FBXW10B: variants seen among roughly 807,000 people sequenced by gnomAD.
FBXW10B encodes F-box and WD repeat domain containing protein 10B.
chr17:15,601,732 C>A, the FBXW10B span, among the ~76,000 whole-genome samples: 1 of 152,102 alleles, frequency 6.6e-6, no homozygotes, highest in Non-Finnish European at 1.5e-5. Flanking sequence ...CAATGCAGCC[C>A]AAATAAAAAG....
At chr17:15,608,261 A>T in the FBXW10B span, among the ~76,000 whole-genome samples, 1 of 144,718 alleles carries the variant, frequency 6.9e-6, no homozygotes, top group East Asian at 2.2e-4. Context: ...TCCTGGGTTC[A>T]AGTGATTCTC....
At chr17:15,598,405 G>GTGGA in the FBXW10B span, 14 of 930,662 alleles carry the variant, frequency 1.5e-5, no homozygotes, top group East Asian at 5.6e-5. Flanking sequence ...GGGTGGGTGG[G>GTGGA]TGGATGGATG....
chr17:15,601,815 T>C, the FBXW10B span, among the ~76,000 whole-genome samples: 1 of 151,976 alleles, frequency 6.6e-6, no homozygotes, highest in African/African-American at 2.4e-5. Flanking sequence ...AGCTGTTACA[T>C]AAAAAAGAAA....
chr17:15,599,567 G>A, the FBXW10B span, among the ~76,000 whole-genome samples: 3 of 147,126 alleles, frequency 2.0e-5, no homozygotes, highest in Non-Finnish European at 4.5e-5. Flanking sequence ...AGAATCCATG[G>A]CACTGATTCC....
chr17:15,571,947 T>C, the FBXW10B span: 1 of 124,978 alleles, frequency 8.0e-6, no homozygotes, highest in Admixed American at 9.3e-5. Context: ...GTAAGATCAG[T>C]GGTTACTGGG....
At chr17:15,595,243 G>A in the FBXW10B span, among the ~76,000 whole-genome samples, 1 of 152,154 alleles carries the variant, frequency 6.6e-6, no homozygotes, top group Admixed American at 6.5e-5. Context: ...GGGTGGCTGA[G>A]GCAGGATATT....
the FBXW10B span, chr17:15,593,467 G>A: frequency 1.2e-6 from 2 of 1,614,174 alleles, no homozygotes; most frequent in Admixed American, 1.7e-5. Flanking sequence ...ATGACCCGGA[G>A]GAAGAGAAGG....
At chr17:15,570,800 T>C in the FBXW10B span, among the ~76,000 whole-genome samples, 1 of 152,212 alleles carries the variant, frequency 6.6e-6, no homozygotes, top group Non-Finnish European at 1.5e-5. Context: ...CATGACAACA[T>C]GGGCTGCTCC....
chr17:15,594,607 A>G, the FBXW10B span: 1 of 929,350 alleles, frequency 1.1e-6, no homozygotes, highest in Admixed American at 2.6e-5. Flanking sequence ...CCCAGGTGGA[A>G]GAGGAGGGAA....
chr17:15,585,344 TA>T, the FBXW10B span, among the ~76,000 whole-genome samples: 1 of 151,422 alleles, frequency 6.6e-6, no homozygotes, highest in South Asian at 2.1e-4. Flanking sequence ...TAAAATTTTT[TA>T]AAAAAACCTA....
the FBXW10B span, among the ~76,000 whole-genome samples, chr17:15,602,747 C>G: frequency 5.9e-5 from 7 of 118,652 alleles, 1 homozygote; most frequent in East Asian, 1.8e-3. Context: ...CCTGCCTCAG[C>G]CTCCCGAGTA....
At chr17:15,611,170 CTGCCACCA>C in the FBXW10B span, among the ~76,000 whole-genome samples, 4 of 152,002 alleles carry the variant, frequency 2.6e-5, no homozygotes, top group African/African-American at 9.7e-5. Flanking sequence ...ACTAGAGGCA[CTGCCACCA>C]TGCCTGGCTA....
the FBXW10B span, chr17:15,569,024 G>A: frequency 1.7e-6 from 2 of 1,198,908 alleles, no homozygotes; most frequent in Admixed American, 4.2e-5. Flanking sequence ...TCTTCCGTAA[G>A]TGATCACTGT....
chr17:15,587,374 C>T, the FBXW10B span, among the ~76,000 whole-genome samples: 1 of 151,610 alleles, frequency 6.6e-6, no homozygotes, highest in Admixed American at 6.6e-5. Flanking sequence ...GGCACCTTGA[C>T]AGCAACATAT....
chr17:15,607,429 C>T, the FBXW10B span: 2 of 637,916 alleles, frequency 3.1e-6, no homozygotes, highest in Non-Finnish European at 5.5e-6. Context: ...GTATTGTCTA[C>T]ATGGGATCAT....
At chr17:15,566,846 G>C in the FBXW10B span, among the ~76,000 whole-genome samples, 3 of 151,778 alleles carry the variant, frequency 2.0e-5, no homozygotes, top group African/African-American at 7.3e-5. Flanking sequence ...TTACAGGCGT[G>C]AGCCACCACA....
the FBXW10B span, among the ~76,000 whole-genome samples, chr17:15,568,105 G>A: frequency 3.3e-5 from 5 of 152,188 alleles, no homozygotes; most frequent in South Asian, 2.1e-4. Flanking sequence ...GTAGAAAAGC[G>A]TGCTAGTTCC....
At chr17:15,612,832 A>G in the FBXW10B span, 1 of 1,600,368 alleles carries the variant, frequency 6.2e-7, no homozygotes, top group Admixed American at 1.7e-5. Context: ...CCCTGGAAAA[A>G]CAAAAAAAAA....
the FBXW10B span, among the ~76,000 whole-genome samples, chr17:15,580,671 C>T: frequency 6.9e-6 from 1 of 144,186 alleles, no homozygotes; most frequent in Non-Finnish European, 1.5e-5. Context: ...TGTCTTATTT[C>T]ATCTGTTCTT....
Sources: gnomAD v4.1 joint callset for allele counts (sites outside exome capture counted in the v4.1 genomes callset) on GRCh38, gnomAD v4.1.1 for gene constraint, MANE v1.5 for transcripts, NCBI Gene and HGNC (gene_info 2026-07-23, HGNC 2026-07-21) for gene names.